The following GRM4 variants were observed in gnomAD, a reference collection of about 807,000 sequenced individuals.
The protein encoded by GRM4 is glutamate metabotropic receptor 4.
In GRM4, 28 loss-of-function variants were observed where a neutral mutation model predicts 81.7. The ratio of observed to expected loss-of-function variants is 0.34; its 90% confidence interval spans 0.25 to 0.47. The LOEUF (loss-of-function observed/expected upper bound fraction) is 0.47. GRM4 is among the 20% of genes least tolerant of loss of function. GRM4 has a pLI of 1.00. For missense variants in GRM4, 948 were observed against 1,290.0 expected (o/e 0.73, Z 4.06); for synonymous variants, 488 against 528.8 (o/e 0.92, Z 1.06).
chr6:34,111,114 TACAC>T lies in GRM4; in HGVS notation c.520-19019_520-19016del, dbSNP rs56326901. On this transcript the variant is annotated intron_variant, in intron 2 of 10. Transcript: ENST00000538487. This position sits in a 1 kb window ranked among gnomAD's most constrained non-coding sequence, Gnocchi z 5.1. ...GAGGAGGAGACACACACAGGCCACA[TACAC>T]ACACACACACACACACACACACACA... The T allele has an allele frequency of 0.08, 11,459 of 143,844 alleles. 373 individuals carry two copies. The highest frequency in any genetic ancestry group is 0.11 in the Middle Eastern group (31 of 284). The allele number at this position is 143,844 out of a possible 1,614,324, so 8.9% of individuals were successfully genotyped here. A position where few individuals can be genotyped will look rare whatever the true frequency, so the allele number is the denominator to read the frequency against.
At position 34,074,142 on chromosome 6, in the gene GRM4, G is replaced by A. The variant is rs1441082657; in HGVS notation, c.737-12114C>T. ...GGGGCGCCGATGGGGAAGAAGAGGG[G>A]GACACAGACATACGACAGCCAGACT... On this transcript the variant is annotated intron_variant, in intron 3 of 10. Transcript: ENST00000538487. The surrounding 1 kb of genome is among the most constrained non-coding windows in gnomAD (Gnocchi z 4.9). 6.6e-6 allele frequency among the ~76,000 whole-genome samples: 1 copy of A among 151,940 alleles called. No individual in the cohort carries two copies. The highest frequency in any genetic ancestry group is 1.5e-5 in the Non-Finnish European group (1 of 67,964).
At chr6:34,151,554 G>T (rs1163873710) in intron 1 of GRM4, among the ~76,000 whole-genome samples, 1 of 152,166 alleles carries the variant, frequency 6.6e-6, no homozygotes, top group Non-Finnish European at 1.5e-5. Flanking sequence ...CGGCAGAGTG[G>T]CAGGGCTCCG....
chr6:34,036,463 C>A lies in GRM4; in HGVS notation c.1647G>T (p.Gln549His). Residue 549 changes from glutamine to histidine, a missense_variant, in exon 9 of 11, where the codon CAG becomes CAT. Gln to His is a conservative substitution (Grantham distance 24, BLOSUM62 0). Transcript: ENST00000538487. This position sits in a 1 kb window ranked among gnomAD's most constrained non-coding sequence, Gnocchi z 9.0. ...CWHCEPCTGY[Q>H]YQVDRYTCKT... Reference sequence around the variant, plus strand: ...TACAGGTGTAGCGGTCCACCTGGTACTGGTACCCTGTGCAAGGCTCGCAGT... The same window carrying A: ...TACAGGTGTAGCGGTCCACCTGGTAATGGTACCCTGTGCAAGGCTCGCAGT... 2 of 1,613,574 alleles carry A rather than the reference C, an allele frequency of 1.2e-6. No homozygotes were observed. The highest frequency in any genetic ancestry group is 1.7e-6 in the Non-Finnish European group (2 of 1,179,870).
chr6:34,044,115 CACAG>C (rs879925755), intron 6 of GRM4, among the ~76,000 whole-genome samples: 59 of 129,630 alleles, frequency 4.6e-4, no homozygotes, highest in Non-Finnish European at 7.0e-4. Context: ...CACATATATA[CACAG>C]ACACACACAC....
chr6:34,088,231 T>C (rs1214116406), intron 3 of GRM4, among the ~76,000 whole-genome samples: 1 of 152,130 alleles, frequency 6.6e-6, no homozygotes, highest in African/African-American at 2.4e-5. Flanking sequence ...CAAGCGATTC[T>C]CTTGCCTCAG....
At position 34,136,305 on chromosome 6, in the gene GRM4, G is replaced by T. The variant is rs78929423; in HGVS notation, c.-363-2446C>A. 0.011 allele frequency among the ~76,000 whole-genome samples: 1,654 copies of T among 152,242 alleles called. 30 individuals carry two copies. The highest frequency in any genetic ancestry group is 0.038 in the African/African-American group (1,574 of 41,536). On this transcript the variant is annotated intron_variant, in intron 1 of 10. Coordinates refer to ENST00000538487, the MANE Select transcript of GRM4 (RefSeq NM_000841.4). The surrounding 1 kb of genome is among the most constrained non-coding windows in gnomAD (Gnocchi z 4.1). ...GGCTGCTCCTCTGTGCTGGCCCAGA[G>T]GATCTCTCAGGCCTTGCCAGTTCTA...
chr6:34,114,260 G>A lies in GRM4; in HGVS notation c.519+18718C>T, dbSNP rs1049085370. Among the ~76,000 whole-genome samples, 1 of 152,184 alleles carries A rather than the reference G, an allele frequency of 6.6e-6. No individual in the cohort carries two copies. Among genetic ancestry groups the A allele is most frequent in the Admixed American group, 6.5e-5 (1 of 15,278 alleles). The stretch of plus-strand genomic sequence containing the variant: ...AGCTCCATGTGGGCAAGGACGGTAT[G>A]CATTTGGCTCACTCTGCTGCATTCT... On this transcript the variant is annotated intron_variant, in intron 2 of 10. Coordinates refer to ENST00000538487, the MANE Select transcript of GRM4 (RefSeq NM_000841.4). This position sits in a 1 kb window ranked among gnomAD's most constrained non-coding sequence, Gnocchi z 4.3.
chr6:34,059,025 C>T lies in GRM4; in HGVS notation c.976G>A (p.Glu326Lys), dbSNP rs1766044042. The change falls in exon 5 of 11, where the codon GAG becomes AAG. Residue 326 changes from glutamate (E) to lysine (K), a missense_variant. Physicochemically the swap from Glu to Lys is moderately conservative, Grantham distance 56. Coordinates refer to ENST00000538487, the MANE Select transcript of GRM4 (RefSeq NM_000841.4). The surrounding 1 kb of genome is among the most constrained non-coding windows in gnomAD (Gnocchi z 5.7). ...SKIAPVLHLE[E>K]VAEGAVTILP... ...ATCGTGACAGCACCCTCAGCCACCT[C>T]CTCCAGGTGCAGCACAGGTGCAATC... The T allele has an allele frequency of 6.2e-7, 1 of 1,613,646 alleles. No individual in the cohort carries two copies.
At chr6:34,025,624 G>A (rs982843402) in intron 10 of GRM4, among the ~76,000 whole-genome samples, 3 of 152,168 alleles carry the variant, frequency 2.0e-5, no homozygotes, top group African/African-American at 7.2e-5. Context: ...TGGAAAATGG[G>A]AGCCGTGAGT....
At position 34,087,799 on chromosome 6, in the gene GRM4, TACACACACACAC is replaced by T. The variant is rs71000022; in HGVS notation, c.736+4072_736+4083del. On this transcript the variant is annotated intron_variant, in intron 3 of 10. Transcript: ENST00000538487. ...CCAGAACTTCCCAGACATGCACCCC[TACACACACACAC>T]ACACACACACACACACACACACACA... Among the ~76,000 whole-genome samples the T allele has an allele frequency of 6.0e-4, 53 of 88,396 alleles. No homozygotes were observed. The East Asian group carries it at 6.4e-3, about 11-fold the overall frequency. 58.0% of individuals were successfully genotyped at this position (88,396 alleles called of 152,430 possible).
At position 34,070,693 on chromosome 6, in the gene GRM4, C is replaced by T. The variant is rs896038667; in HGVS notation, c.737-8665G>A. Among the ~76,000 whole-genome samples, 6 of 151,554 alleles carry T rather than the reference C, an allele frequency of 4.0e-5. No individual in the cohort carries two copies. The highest frequency in any genetic ancestry group is 7.3e-5 in the African/African-American group (3 of 41,156). The stretch of plus-strand genomic sequence containing the variant: ...AGGGCTGGGGAGGTCTACAGCTGGG[C>T]GGGGGGACCAGGGCACCAGGATTAT... On this transcript the variant is annotated intron_variant, in intron 3 of 10. Transcript: ENST00000538487. The surrounding 1 kb of genome is among the most constrained non-coding windows in gnomAD (Gnocchi z 4.6).
intron 2 of GRM4, chr6:34,100,070 C>T (rs1165640498): frequency 2.0e-6 from 2 of 983,314 alleles, no homozygotes; most frequent in African/African-American, 3.5e-5. Context: ...TACTCCTGCC[C>T]TGAGCATCTG....
intron 6 of GRM4, chr6:34,055,780 T>G (rs1561777951): frequency 6.6e-6 from 1 of 152,186 alleles, no homozygotes; most frequent in Non-Finnish European, 1.5e-5. Flanking sequence ...GCCCTCTATC[T>G]ATGGGAATTC....
intron 3 of GRM4, among the ~76,000 whole-genome samples, chr6:34,067,369 G>A (rs532845411): frequency 1.9e-4 from 23 of 119,020 alleles, no homozygotes; most frequent in Admixed American, 1.3e-3. Context: ...TCCTTCCTTC[G>A]CTCCCTCCCT....
In GRM4 at chr6:34,089,001, G is replaced by A. The variant is rs1561804652; in HGVS notation, c.736+2882C>T. 1.3e-5 allele frequency among the ~76,000 whole-genome samples: 2 copies of A among 152,232 alleles called. No individual in the cohort carries two copies. Among genetic ancestry groups the A allele is most frequent in the South Asian group, 4.2e-4 (2 of 4,816 alleles). Reference sequence around the variant, plus strand: ...AGGACAGAGCCAGGTTCCCATCCCAGCTCCTCCATGTTCTAGCTCTGTGGC... The same window carrying A: ...AGGACAGAGCCAGGTTCCCATCCCAACTCCTCCATGTTCTAGCTCTGTGGC... On this transcript the variant is annotated intron_variant, in intron 3 of 10. Transcript: ENST00000538487. The surrounding 1 kb of genome is among the most constrained non-coding windows in gnomAD (Gnocchi z 4.3).
upstream of GRM4, among the ~76,000 whole-genome samples, chr6:34,149,687 G>A (rs899910038): frequency 6.6e-6 from 1 of 152,192 alleles, no homozygotes; most frequent in Admixed American, 6.5e-5. Context: ...ACCTTTGATG[G>A]CTAGGGGACA....
Position 34,152,976 on chromosome 6 carries a change from C to T in GRM4, c.312+2103G>A, listed in dbSNP as rs944096893. 6.6e-6 allele frequency among the ~76,000 whole-genome samples: 1 copy of T among 152,072 alleles called. No homozygotes were observed. Among genetic ancestry groups the T allele is most frequent in the Non-Finnish European group, 1.5e-5 (1 of 68,000 alleles). Reference sequence around the variant, plus strand: ...GCATGCCAGGTGCTCATCAGAGTCTCCACAACAGCCCTGTGATGGACCAGC... The same window carrying T: ...GCATGCCAGGTGCTCATCAGAGTCTTCACAACAGCCCTGTGATGGACCAGC... On this transcript the variant is annotated intron_variant, in intron 1 of 8. Transcript: ENST00000374177. This position sits in a 1 kb window ranked among gnomAD's most constrained non-coding sequence, Gnocchi z 4.1.
intron 2 of GRM4, among the ~76,000 whole-genome samples, chr6:34,113,220 C>G (rs112707349): frequency 0.016 from 2,403 of 151,352 alleles, 20 homozygotes; most frequent in Non-Finnish European, 0.025. Context: ...AGTGCAATGA[C>G]AGCTCACTAC....
Position 34,075,935 on chromosome 6 carries a change from C to G in GRM4, c.737-13907G>C, listed in dbSNP as rs376714434. ...ATGTTGTCTCCCCAGCCTATTCACCCCAGATACCCTGGGAATGGGAGCCAG... is the reference window on the plus strand; with the variant it reads ...ATGTTGTCTCCCCAGCCTATTCACCGCAGATACCCTGGGAATGGGAGCCAG... On this transcript the variant is annotated intron_variant, in intron 3 of 10. Coordinates refer to ENST00000538487, the MANE Select transcript of GRM4 (RefSeq NM_000841.4). 2.7e-3 allele frequency among the ~76,000 whole-genome samples: 409 copies of G among 152,346 alleles called. 4 individuals carry two copies. The highest frequency in any genetic ancestry group is 0.014 in the South Asian group (69 of 4,830).
Sources: gnomAD v4.1 joint callset for allele counts (sites outside exome capture counted in the v4.1 genomes callset) on GRCh38, gnomAD v4.1.1 for gene constraint, Gnocchi (gnomAD v3.1) non-coding constraint, MANE v1.5 for transcripts, NCBI Gene and HGNC (gene_info 2026-07-23, HGNC 2026-07-21) for gene names.